The following SYN3 variants were observed in gnomAD, a reference collection of about 807,000 sequenced individuals.
SYN3 encodes the protein synapsin-3.
SYN3 carries 35 observed loss-of-function variants against 65.8 expected under a neutral mutation model. That is an observed-to-expected ratio of 0.53 (90% CI 0.41 to 0.70). SYN3 has a LOEUF of 0.70. SYN3 is among the 30% of genes least tolerant of loss of function. The probability of loss-of-function intolerance (pLI) is 0.00; values close to 1 mark genes in which losing one functional copy is unlikely to be tolerated. For synonymous variants in SYN3, 270 were observed against 292.9 expected (o/e 0.92, Z 0.80); for missense variants, 680 against 749.0 (o/e 0.91, Z 1.08).
At chr22:32,948,890 A>C (rs1205457051) in intron 3 of SYN3, among the ~76,000 whole-genome samples, 1 of 135,910 alleles carries the variant, frequency 7.4e-6, no homozygotes, top group Non-Finnish European at 1.5e-5. Flanking sequence ...AAAAAAAAAA[A>C]GAAAGAAAGA....
intron 6 of SYN3, among the ~76,000 whole-genome samples, chr22:32,663,021 T>C (rs1476122238): frequency 6.6e-6 from 1 of 152,106 alleles, no homozygotes; most frequent in Non-Finnish European, 1.5e-5. Context: ...AAGAAAAAGG[T>C]AGGCCAATTC....
chr22:33,048,849 G>A (rs1388223111), intron 1 of SYN3, among the ~76,000 whole-genome samples: 1 of 152,112 alleles, frequency 6.6e-6, no homozygotes, highest in African/African-American at 2.4e-5. Context: ...CTGAATGACG[G>A]AAACCTTGCA....
chr22:32,949,302 C>CG (rs2051214060), intron 3 of SYN3, among the ~76,000 whole-genome samples: 2 of 151,542 alleles, frequency 1.3e-5, no homozygotes, highest in East Asian at 1.9e-4. Flanking sequence ...CAGTTACCAG[C>CG]GGGGGGCGGG....
chr22:32,968,949 G>C (rs1213030453), intron 3 of SYN3, among the ~76,000 whole-genome samples: 1 of 152,230 alleles, frequency 6.6e-6, no homozygotes, highest in Non-Finnish European at 1.5e-5. Flanking sequence ...GATAAGACAA[G>C]CTCTGTTTGT....
At chr22:32,933,145 T>A (rs2050679370) in intron 3 of SYN3, among the ~76,000 whole-genome samples, 2 of 152,212 alleles carry the variant, frequency 1.3e-5, no homozygotes, top group African/African-American at 2.4e-5. Flanking sequence ...TATAATGCTA[T>A]CGGCTAAAAT....
Position 32,713,025 on chromosome 22 carries a change from C to T in SYN3, c.712-116289G>A, listed in dbSNP as rs2060986372. Reference sequence around the variant, plus strand: ...TCTCTTCCCCATGAATTTTAAGTGTCATGAGTGGAGACACTGTATTTTTTT... The same window carrying T: ...TCTCTTCCCCATGAATTTTAAGTGTTATGAGTGGAGACACTGTATTTTTTT... On this transcript the variant is annotated intron_variant, in intron 6 of 13. Transcript: ENST00000358763. Among the ~76,000 whole-genome samples, 6 of 152,124 alleles carry T rather than the reference C, an allele frequency of 3.9e-5. No individual in the cohort carries two copies. In the South Asian group the frequency reaches 1.0e-3, roughly 26 times the overall value.
intron 6 of SYN3, among the ~76,000 whole-genome samples, chr22:32,654,357 T>C (rs1375758563): frequency 2.0e-5 from 3 of 152,224 alleles, no homozygotes; most frequent in Non-Finnish European, 4.4e-5. Context: ...GCTCCAGTCA[T>C]ACCTGATTGT....
chr22:32,772,262 T>C (rs563798618), intron 6 of SYN3, among the ~76,000 whole-genome samples: 48 of 136,616 alleles, frequency 3.5e-4, no homozygotes, highest in African/African-American at 1.1e-3. Context: ...TCTTTTTCTT[T>C]TCTTTTTTTT....
At chr22:33,010,120 T>C (rs2053313940) in intron 1 of SYN3, among the ~76,000 whole-genome samples, 1 of 151,932 alleles carries the variant, frequency 6.6e-6, no homozygotes, top group Non-Finnish European at 1.5e-5. Context: ...TAATCCCAGC[T>C]ACTTGGGAGG....
intron 12 of SYN3, among the ~76,000 whole-genome samples, chr22:32,526,333 A>G (rs1457008970): frequency 6.6e-6 from 1 of 152,112 alleles, no homozygotes; most frequent in Non-Finnish European, 1.5e-5. Context: ...CCAGAAGGAG[A>G]AACACAAACA....
chr22:33,033,121 C>T (rs1466639566), intron 1 of SYN3, among the ~76,000 whole-genome samples: 2 of 151,144 alleles, frequency 1.3e-5, no homozygotes, highest in African/African-American at 2.4e-5. Context: ...GCTGGGACTA[C>T]AGGCACCCAC....
intron 7 of SYN3, among the ~76,000 whole-genome samples, chr22:32,591,225 T>A (rs955031642): frequency 1.3e-5 from 2 of 151,636 alleles, no homozygotes; most frequent in African/African-American, 4.9e-5. Flanking sequence ...CGGAGACATA[T>A]GGCTGCATTT....
chr22:32,658,217 C>T (rs2060168797), intron 6 of SYN3, among the ~76,000 whole-genome samples: 1 of 152,220 alleles, frequency 6.6e-6, no homozygotes, highest in South Asian at 2.1e-4. Flanking sequence ...GCTGCAGACA[C>T]CCCTAGAGCC....
intron 3 of SYN3, among the ~76,000 whole-genome samples, chr22:32,970,231 G>T (rs1284332559): frequency 1.3e-5 from 2 of 152,138 alleles, no homozygotes; most frequent in African/African-American, 4.8e-5. Context: ...AGGAAACTGA[G>T]GCATGGGGCA....
chr22:32,920,044 ACT>A (rs1246439523), intron 4 of SYN3, among the ~76,000 whole-genome samples: 1 of 151,848 alleles, frequency 6.6e-6, no homozygotes, highest in Non-Finnish European at 1.5e-5. Context: ...GATCTGAGAG[ACT>A]CTGATGCCTT....
chr22:32,922,300 C>G (rs1002996285), intron 4 of SYN3, among the ~76,000 whole-genome samples: 2 of 152,162 alleles, frequency 1.3e-5, no homozygotes, highest in African/African-American at 4.8e-5. Context: ...GGCTGGAGAA[C>G]TGGATGTCAT....
At chr22:32,997,128 C>G (rs1046959480) in intron 2 of SYN3, among the ~76,000 whole-genome samples, 8 of 152,176 alleles carry the variant, frequency 5.3e-5, no homozygotes, top group African/African-American at 1.9e-4. Flanking sequence ...GGGCCTGAGC[C>G]AGGTCCCAGA....
At chr22:32,805,298 G>A (rs2046699048) in intron 6 of SYN3, among the ~76,000 whole-genome samples, 1 of 152,172 alleles carries the variant, frequency 6.6e-6, no homozygotes, top group Admixed American at 6.5e-5. Flanking sequence ...TGTTCTGACA[G>A]GGGCCAGTGC....
intron 4 of SYN3, 53 bp downstream of exon 4, chr22:32,931,337 A>T: frequency 8.2e-7 from 1 of 1,217,438 alleles, no homozygotes; most frequent in Non-Finnish European, 1.2e-6. Flanking sequence ...GGGCTACATG[A>T]GGTTCCACGT....
Sources: gnomAD v4.1 joint callset for allele counts (sites outside exome capture counted in the v4.1 genomes callset) on GRCh38, gnomAD v4.1.1 for gene constraint, MANE v1.5 for transcripts, NCBI Gene and HGNC (gene_info 2026-07-23, HGNC 2026-07-21) for gene names.